Variants in VEGFD observed in about 807,000 individuals in gnomAD.
The protein encoded by VEGFD is vascular endothelial growth factor D.
VEGFD carries 26 observed loss-of-function variants against 28.0 expected under a neutral mutation model. The observed-to-expected ratio is 0.93, with a 90% CI of 0.68 to 1.29. The LOEUF (loss-of-function observed/expected upper bound fraction) is 1.29. VEGFD is among the 50% of genes most tolerant of loss of function. The probability of loss-of-function intolerance (pLI) is 0.00; values close to 1 mark genes in which losing one functional copy is unlikely to be tolerated. For missense variants in VEGFD, 294 were observed against 273.4 expected (o/e 1.08, Z -0.53); for synonymous variants, 93 against 95.5 (o/e 0.97, Z 0.15).
rs775119021 is a variant in VEGFD at position 15,358,000 on chromosome X, T to C, written c.492+3A>G. ...GACGGCAGGCTTGCCGATGTCCTTA[T>C]ACCTGTTTGGAAATGTACGAGGTGC... On this transcript the variant is annotated splice_donor_region_variant and intron_variant, in intron 3 of 6. Transcript: ENST00000297904. 3.3e-6 allele frequency: 4 copies of C among 1,207,419 alleles called. No homozygotes were observed. The highest frequency in any genetic ancestry group is 1.1e-6 in the Non-Finnish European group (1 of 893,425).
At chrX:15,354,904 G>A (rs762520074) in intron 4 of VEGFD, among the ~76,000 whole-genome samples, 1 of 111,617 alleles carries the variant, frequency 9.0e-6, no homozygotes, top group Non-Finnish European at 1.9e-5. Flanking sequence ...AAGAACAAAC[G>A]TGTCTACAAG....
chrX:15,370,644 C>T (rs977676193), intron 1 of VEGFD, among the ~76,000 whole-genome samples: 1 of 111,588 alleles, frequency 9.0e-6, no homozygotes, highest in African/African-American at 3.3e-5. Flanking sequence ...GCAATTGGGC[C>T]CAGGTTTGTG....
At chrX:15,364,536 G>A (rs756333973) in intron 1 of VEGFD, among the ~76,000 whole-genome samples, 1 of 112,298 alleles carries the variant, frequency 8.9e-6, no homozygotes, top group South Asian at 3.7e-4. Context: ...GGGACAGAAC[G>A]AATTGAGATC....
At chrX:15,374,994 C>G (rs1923401989) in intron 1 of VEGFD, among the ~76,000 whole-genome samples, 1 of 111,215 alleles carries the variant, frequency 9.0e-6, no homozygotes, top group Non-Finnish European at 1.9e-5. Flanking sequence ...TCTTTCCTTT[C>G]TTTCCTGCCT....
At position 15,346,261 on chromosome X, in the gene VEGFD, T is replaced by C; in HGVS notation, c.939-2A>G. On this transcript the variant is annotated splice_acceptor_variant, in intron 6 of 6. Coordinates refer to ENST00000297904, the MANE Select transcript of VEGFD (RefSeq NM_004469.5). LOFTEE classifies it high-confidence loss of function. ...TGAAAGGGGCATCTGTCCTCACAGCTGTTGCAAAAGAAAATAAAGATGAGA... is the reference window on the plus strand; with the variant it reads ...TGAAAGGGGCATCTGTCCTCACAGCCGTTGCAAAAGAAAATAAAGATGAGA... 8.3e-7 allele frequency: 1 copy of C among 1,206,075 alleles called. No homozygotes were observed. Among genetic ancestry groups the C allele is most frequent in the South Asian group, 1.8e-5 (1 of 55,706 alleles).
At chrX:15,346,502 A>C (rs1192963201) in intron 6 of VEGFD, among the ~76,000 whole-genome samples, 1 of 112,349 alleles carries the variant, frequency 8.9e-6, no homozygotes, top group African/African-American at 3.2e-5. Context: ...AAAGAAAAAA[A>C]CAAACATATA....
chrX:15,353,383 C>T (rs1180538516), intron 4 of VEGFD, among the ~76,000 whole-genome samples: 1 of 112,278 alleles, frequency 8.9e-6, no homozygotes, highest in Non-Finnish European at 1.9e-5. Flanking sequence ...TTCCAAATTG[C>T]TAAGAGAGTA....
At chrX:15,374,769 C>A (rs1438885027) in intron 1 of VEGFD, among the ~76,000 whole-genome samples, 1 of 108,185 alleles carries the variant, frequency 9.2e-6, no homozygotes, top group Non-Finnish European at 1.9e-5. Context: ...CCAGGCACTA[C>A]CTTTTCTTTT....
intron 1 of VEGFD, among the ~76,000 whole-genome samples, chrX:15,364,932 A>C (rs981019226): frequency 8.9e-6 from 1 of 112,197 alleles, no homozygotes; most frequent in Non-Finnish European, 1.9e-5. Flanking sequence ...TAGACATGCT[A>C]GTGGACACTG....
intron 3 of VEGFD, among the ~76,000 whole-genome samples, chrX:15,357,724 C>A (rs1257768638): frequency 8.9e-6 from 1 of 111,825 alleles, no homozygotes; most frequent in Non-Finnish European, 1.9e-5. Flanking sequence ...GAGACAATAA[C>A]TGATAAGAGT....
At chrX:15,367,863 G>A (rs1485303501) in intron 1 of VEGFD, among the ~76,000 whole-genome samples, 3 of 107,866 alleles carry the variant, frequency 2.8e-5, no homozygotes, top group Non-Finnish European at 5.7e-5. Context: ...ACTGAGGTGG[G>A]AGAATCACCT....
chrX:15,355,317 A>G lies in VEGFD; in HGVS notation c.493-19T>C, dbSNP rs1922839402. ...CAAAGAGCTACAGCAGAGAAAGATAACCACAATATATTTTTTTAATTTTAT... is the reference window on the plus strand; with the variant it reads ...CAAAGAGCTACAGCAGAGAAAGATAGCCACAATATATTTTTTTAATTTTAT... On this transcript the variant is annotated intron_variant, in intron 3 of 6. Transcript: ENST00000297904. 1.8e-6 allele frequency: 2 copies of G among 1,133,446 alleles called. No individual in the cohort carries two copies. The highest frequency in any genetic ancestry group is 2.3e-6 in the Non-Finnish European group (2 of 858,662). The allele number at this position is 1,133,446 out of a possible 1,213,427, so 93.4% of individuals were successfully genotyped here. A position where few individuals can be genotyped will look rare whatever the true frequency, so the allele number is the denominator to read the frequency against.
intron 1 of VEGFD, among the ~76,000 whole-genome samples, chrX:15,366,990 TGTGA>T (rs751809909): frequency 8.9e-6 from 1 of 112,062 alleles, no homozygotes; most frequent in South Asian, 3.7e-4. Flanking sequence ...GGAATCCAGA[TGTGA>T]GTGTGTGTCT....
intron 2 of VEGFD, among the ~76,000 whole-genome samples, chrX:15,359,818 G>T (rs932616389): frequency 1.8e-5 from 2 of 111,902 alleles, no homozygotes; most frequent in African/African-American, 6.5e-5. Context: ...AGCACACTCT[G>T]CTTCAGCTGT....
At chrX:15,371,175 G>C (rs1231359755) in intron 1 of VEGFD, among the ~76,000 whole-genome samples, 2 of 111,575 alleles carry the variant, frequency 1.8e-5, no homozygotes, top group African/African-American at 6.5e-5. Flanking sequence ...TTTAAAGCAG[G>C]GGTTCACACT....
In VEGFD at chrX:15,384,313, G is replaced by A. The variant is rs1923664966; in HGVS notation, c.-367C>T. The A allele has an allele frequency of 7.3e-6, 1 of 137,265 alleles. No homozygotes were observed. The highest frequency in any genetic ancestry group is 2.2e-4 in the South Asian group (1 of 4,509). The allele number at this position is 137,265 out of a possible 1,213,427, so 11.3% of individuals were successfully genotyped here. ...GTTCTAGTTGCTTTGTAAGGAGGTGGTGTGGCCACCAATGCTTACAGCTAC... is the reference window on the plus strand; with the variant it reads ...GTTCTAGTTGCTTTGTAAGGAGGTGATGTGGCCACCAATGCTTACAGCTAC... On this transcript the variant is annotated 5_prime_UTR_variant, in exon 1 of 7. Transcript: ENST00000297904.
chrX:15,346,748 A>G (rs1922559846), intron 6 of VEGFD, among the ~76,000 whole-genome samples: 1 of 111,290 alleles, frequency 9.0e-6, no homozygotes, highest in Non-Finnish European at 1.9e-5. Flanking sequence ...CCTGGCCAAC[A>G]TGGTGAAACC....
At chrX:15,380,582 T>C (rs966619911) in intron 1 of VEGFD, among the ~76,000 whole-genome samples, 2 of 113,097 alleles carry the variant, frequency 1.8e-5, no homozygotes, top group African/African-American at 6.4e-5. Flanking sequence ...TACTATGGCC[T>C]GGTATTCCTT....
chrX:15,378,794 CA>C (rs1214963212), intron 1 of VEGFD, among the ~76,000 whole-genome samples: 2 of 111,218 alleles, frequency 1.8e-5, no homozygotes, highest in Non-Finnish European at 3.8e-5. Context: ...ATGGTTGAAA[CA>C]ATTTTTTTTT....
Sources: allele counts gnomAD v4.1 joint callset (sites outside exome capture counted in the v4.1 genomes callset), GRCh38; gene constraint gnomAD v4.1.1; transcripts MANE v1.5; gene names NCBI Gene and HGNC (gene_info 2026-07-23, HGNC 2026-07-21).